CDH2: variants seen among roughly 807,000 people sequenced by gnomAD.
CDH2 encodes cadherin-2.
A neutral mutation model predicts 92.0 loss-of-function variants in CDH2; 17 were observed. That is an observed-to-expected ratio of 0.18 (90% confidence interval 0.13 to 0.28). The LOEUF is 0.28. Ranked by LOEUF, CDH2 falls within the 10% of genes least tolerant of loss-of-function variation. CDH2 has a pLI of 1.00. For missense variants in CDH2, 862 were observed against 1,133.1 expected, an observed-to-expected ratio of 0.76 and a Z score of 3.44; for synonymous variants, 419 against 415.9, an observed-to-expected ratio of 1.01 and a Z score of -0.09.
intron 2 of CDH2, among the ~76,000 whole-genome samples, chr18:28,131,430 C>T (rs2015768068): frequency 6.6e-6 from 1 of 152,116 alleles, no homozygotes; most frequent in African/African-American, 2.4e-5. Context: ...TTGACACCAC[C>T]TTCCCTCACA....
intron 11 of CDH2, among the ~76,000 whole-genome samples, chr18:27,987,352 C>G (rs1167357015): frequency 6.6e-6 from 1 of 152,048 alleles, no homozygotes; most frequent in Admixed American, 6.6e-5. Context: ...CAAGAGGTCC[C>G]ATATTAAAAA....
intron 2 of CDH2, among the ~76,000 whole-genome samples, chr18:28,030,488 T>C (rs2013665849): frequency 1.3e-5 from 2 of 151,668 alleles, no homozygotes; most frequent in Non-Finnish European, 2.9e-5. Context: ...GATGTAAAAG[T>C]AAAAACAAAC....
intron 2 of CDH2, among the ~76,000 whole-genome samples, chr18:28,101,246 A>G (rs2015221354): frequency 6.6e-6 from 1 of 152,108 alleles, no homozygotes; most frequent in African/African-American, 2.4e-5. Flanking sequence ...TATTTTATGT[A>G]TCTTAACTTT....
chr18:28,171,276 GTATTTTTAATGCTGACCCACTTA>G (rs2016460741), intron 1 of CDH2, among the ~76,000 whole-genome samples: 2 of 149,610 alleles, frequency 1.3e-5, no homozygotes, highest in African/African-American at 4.9e-5. Flanking sequence ...GGCTAGAGCT[GTATTTTTAATGCTGACCCACTTA>G]TATTTTTAAT....
chr18:27,974,546 T>C (rs767095636), intron 14 of CDH2, among the ~76,000 whole-genome samples: 4 of 152,210 alleles, frequency 2.6e-5, no homozygotes, highest in African/African-American at 9.6e-5. Flanking sequence ...ACAGAATCCA[T>C]CTTCCAGACA....
At chr18:28,053,229 T>C (rs1339996064) in intron 2 of CDH2, among the ~76,000 whole-genome samples, 3 of 152,180 alleles carry the variant, frequency 2.0e-5, no homozygotes, top group African/African-American at 4.8e-5. Context: ...CATGTAATTG[T>C]AGAGTTTGAA....
chr18:28,075,422 G>A (rs749026677), intron 2 of CDH2, among the ~76,000 whole-genome samples: 18 of 152,092 alleles, frequency 1.2e-4, no homozygotes, highest in Non-Finnish European at 2.5e-4. Flanking sequence ...CCACACACCC[G>A]ATTCCAGAGG....
chr18:28,150,427 G>A (rs2144332291), intron 1 of CDH2, among the ~76,000 whole-genome samples: 1 of 152,338 alleles, frequency 6.6e-6, no homozygotes, highest in South Asian at 2.1e-4. Context: ...CCCTAAGGCA[G>A]GAGAATCAGC....
At chr18:28,019,202 C>T (rs1370810278) in intron 2 of CDH2, among the ~76,000 whole-genome samples, 1 of 151,770 alleles carries the variant, frequency 6.6e-6, no homozygotes, top group Non-Finnish European at 1.5e-5. Flanking sequence ...GTACACTGCT[C>T]GGGTGATGGG....
chr18:27,991,452 A>T (rs765206068), intron 9 of CDH2, among the ~76,000 whole-genome samples: 72 of 152,190 alleles, frequency 4.7e-4, no homozygotes, highest in Non-Finnish European at 8.1e-4. Flanking sequence ...AAAGCCAGAA[A>T]GTTAAGACTG....
At chr18:28,127,708 G>C (rs2015701388) in intron 2 of CDH2, among the ~76,000 whole-genome samples, 1 of 152,100 alleles carries the variant, frequency 6.6e-6, no homozygotes, top group African/African-American at 2.4e-5. Context: ...GCTAGAGGTA[G>C]GGGTGCCTAC....
At chr18:28,022,207 T>C (rs556959947) in intron 2 of CDH2, among the ~76,000 whole-genome samples, 12 of 152,114 alleles carry the variant, frequency 7.9e-5, no homozygotes, top group African/African-American at 2.9e-4. Flanking sequence ...TTTTCTAGAA[T>C]AATTTAGTTG....
In CDH2 at chr18:28,004,992, A is replaced by C. The variant is rs564415165; in HGVS notation, c.847+857T>G. ...GTCAATGACAAAGGTATTATGCAGCACAATTTTAAATGCTGAGGCTTTTAA... is the reference window on the plus strand; with the variant it reads ...GTCAATGACAAAGGTATTATGCAGCCCAATTTTAAATGCTGAGGCTTTTAA... On this transcript the variant is annotated intron_variant, in intron 6 of 15. Coordinates refer to ENST00000269141, the MANE Select transcript of CDH2 (RefSeq NM_001792.5). 3.9e-5 allele frequency among the ~76,000 whole-genome samples: 6 copies of C among 152,354 alleles called. No homozygotes were observed. The South Asian group carries it at 1.2e-3, about 32-fold the overall frequency.
chr18:28,132,037 C>T (rs1254393194), intron 2 of CDH2, among the ~76,000 whole-genome samples: 1 of 152,152 alleles, frequency 6.6e-6, no homozygotes, highest in Non-Finnish European at 1.5e-5. Context: ...TCCTCTCAGG[C>T]TCATTGAAAA....
chr18:27,954,043 C>T (rs1276896608), intron 15 of CDH2, among the ~76,000 whole-genome samples: 3 of 152,104 alleles, frequency 2.0e-5, no homozygotes, highest in African/African-American at 7.2e-5. Flanking sequence ...TACTAACAAT[C>T]CATGAAATTT....
intron 15 of CDH2, among the ~76,000 whole-genome samples, chr18:27,961,004 A>G (rs9951577): frequency 0.45 from 68,085 of 151,432 alleles, 16,260 homozygotes; most frequent in Non-Finnish European, 0.54. Context: ...CTACTGAAGA[A>G]GAGATAGTCA....
intron 6 of CDH2, among the ~76,000 whole-genome samples, chr18:27,933,604 A>G (rs1908954077): frequency 1.3e-5 from 2 of 152,182 alleles, no homozygotes; most frequent in African/African-American, 4.8e-5. Context: ...AGAAATATTG[A>G]CTATGTTAGA....
At chr18:28,143,570 A>G (rs568112425) in intron 2 of CDH2, among the ~76,000 whole-genome samples, 2 of 152,070 alleles carry the variant, frequency 1.3e-5, no homozygotes, top group South Asian at 2.1e-4. Context: ...ATTCGCAAAC[A>G]TATCTAGTTA....
chr18:28,109,740 T>C (rs1402879946), intron 2 of CDH2, among the ~76,000 whole-genome samples: 1 of 152,186 alleles, frequency 6.6e-6, no homozygotes, highest in Non-Finnish European at 1.5e-5. Flanking sequence ...TATATGAAAC[T>C]CTTTTTTAAA....
Sources: gnomAD v4.1 joint callset for allele counts (sites outside exome capture counted in the v4.1 genomes callset) on GRCh38, gnomAD v4.1.1 for gene constraint, MANE v1.5 for transcripts, NCBI Gene and HGNC (gene_info 2026-07-23, HGNC 2026-07-21) for gene names.